Variants in WWP1 observed in about 807,000 individuals in gnomAD.
WWP1 encodes WW domain containing E3 ubiquitin protein ligase 1.
WWP1 carries 49 observed loss-of-function variants against 130.6 expected under a neutral mutation model. The ratio of observed to expected loss-of-function variants is 0.38; its 90% CI spans 0.30 to 0.48. WWP1 has a LOEUF of 0.48. Ranked by LOEUF, WWP1 falls within the 20% of genes least tolerant of loss-of-function variation. WWP1 has a pLI of 0.99. For missense variants in WWP1, 809 were observed against 1,100.6 expected, an observed-to-expected ratio of 0.74 and a Z score of 3.75; for synonymous variants, 332 against 367.8, an observed-to-expected ratio of 0.90 and a Z score of 1.11.
chr8:86,348,110 G>A (rs1358168601), intron 1 of WWP1, among the ~76,000 whole-genome samples: 1 of 152,214 alleles, frequency 6.6e-6, no homozygotes, highest in African/African-American at 2.4e-5. Flanking sequence ...TTTAGGGAAT[G>A]TATAATGTAA....
At chr8:86,461,107 C>T (rs1811747137) in intron 22 of WWP1, 117 bp from the exon 23 acceptor site, 1 of 969,926 alleles carries the variant, frequency 1.0e-6, no homozygotes, top group South Asian at 1.6e-5. Flanking sequence ...CCACGCCCAA[C>T]CTTTAGCACA....
chr8:86,440,785 T>A (rs1021376558), intron 17 of WWP1: 5 of 403,954 alleles, frequency 1.2e-5, no homozygotes, highest in African/African-American at 4.2e-5. Flanking sequence ...TTTTCTCTGA[T>A]CATTTTTATC....
intron 17 of WWP1, among the ~76,000 whole-genome samples, chr8:86,439,367 G>A (rs1301055687): frequency 6.7e-6 from 1 of 148,858 alleles, no homozygotes; most frequent in African/African-American, 2.5e-5. Context: ...AGTTTTTAAA[G>A]CTTTTTGTAG....
At chr8:86,421,780 G>A (rs1041146712) in intron 9 of WWP1, among the ~76,000 whole-genome samples, 2 of 151,584 alleles carry the variant, frequency 1.3e-5, no homozygotes, top group African/African-American at 4.9e-5. Context: ...CCAAGATTGC[G>A]CCACTGCATT....
intron 1 of WWP1, among the ~76,000 whole-genome samples, chr8:86,368,406 T>C (rs1824095929): frequency 6.6e-6 from 1 of 152,178 alleles, no homozygotes; most frequent in African/African-American, 2.4e-5. Context: ...TTTCAGATTC[T>C]TGTTTTTTTG....
At chr8:86,411,418 G>A in intron 8 of WWP1, 120 bp from the exon 9 acceptor site, 1 of 744,476 alleles carries the variant, frequency 1.3e-6, no homozygotes, top group Non-Finnish European at 2.1e-6. Context: ...TCTGCTGTTT[G>A]GAGAATGGAT....
chr8:86,422,182 A>C (rs908809247), intron 9 of WWP1, among the ~76,000 whole-genome samples: 4 of 152,040 alleles, frequency 2.6e-5, no homozygotes, highest in African/African-American at 9.7e-5. Context: ...CATTGTCAGC[A>C]CCCCAGGAAT....
chr8:86,365,714 G>A (rs1823929437), intron 1 of WWP1, among the ~76,000 whole-genome samples: 1 of 152,190 alleles, frequency 6.6e-6, no homozygotes, highest in African/African-American at 2.4e-5. Flanking sequence ...TGTAATCCCA[G>A]CACTTTGGGA....
intron 3 of WWP1, among the ~76,000 whole-genome samples, chr8:86,374,569 T>C (rs1469891911): frequency 6.6e-6 from 1 of 152,208 alleles, no homozygotes; most frequent in Non-Finnish European, 1.5e-5. Context: ...GAAATGTTTC[T>C]TGTAGAAAGC....
intron 21 of WWP1, 45 bp downstream of exon 21, chr8:86,452,724 G>T (rs1160702834): frequency 7.5e-6 from 12 of 1,601,564 alleles, no homozygotes; most frequent in Non-Finnish European, 1.0e-5. Flanking sequence ...TTAGTGGGGG[G>T]AGGGACTAAT....
intron 2 of WWP1, among the ~76,000 whole-genome samples, chr8:86,373,650 T>G (rs952247406): frequency 1.3e-5 from 2 of 152,138 alleles, no homozygotes; most frequent in Non-Finnish European, 2.9e-5. Flanking sequence ...GTACTCCCAA[T>G]GGCTTAAATT....
intron 5 of WWP1, among the ~76,000 whole-genome samples, chr8:86,392,521 C>G (rs1351341798): frequency 6.6e-6 from 1 of 151,968 alleles, no homozygotes; most frequent in Admixed American, 6.6e-5. Context: ...TTTTGAAATC[C>G]ATTAAGTTCA....
chr8:86,394,738 A>G (rs562470990), intron 5 of WWP1, among the ~76,000 whole-genome samples: 26 of 152,254 alleles, frequency 1.7e-4, no homozygotes, highest in African/African-American at 5.3e-4. Context: ...ATACAAACAC[A>G]TGTAGATGGG....
chr8:86,390,472 C>G (rs988471775), intron 5 of WWP1, among the ~76,000 whole-genome samples: 1 of 152,200 alleles, frequency 6.6e-6, no homozygotes, highest in African/African-American at 2.4e-5. Context: ...GCTGGCAGAT[C>G]ACTCGCGGTC....
At chr8:86,402,281 C>G (rs1808033646) in intron 8 of WWP1, 78 bp downstream of exon 8, 1 of 1,469,580 alleles carries the variant, frequency 6.8e-7, no homozygotes, top group African/African-American at 1.4e-5. Flanking sequence ...CCTACACTTC[C>G]CTTTTTGTGT....
At chr8:86,357,231 T>C (rs1823315777) in intron 1 of WWP1, among the ~76,000 whole-genome samples, 1 of 152,216 alleles carries the variant, frequency 6.6e-6, no homozygotes, top group Non-Finnish European at 1.5e-5. Context: ...GAGGTTTAGA[T>C]GCCCCATCTC....
chr8:86,393,176 G>T (rs1807452343), intron 5 of WWP1, among the ~76,000 whole-genome samples: 1 of 149,898 alleles, frequency 6.7e-6, no homozygotes, highest in Non-Finnish European at 1.5e-5. Flanking sequence ...TTTTCTCTCA[G>T]TTAATCATTA....
chr8:86,393,142 A>T (rs1807450099), intron 5 of WWP1, among the ~76,000 whole-genome samples: 1 of 151,852 alleles, frequency 6.6e-6, no homozygotes, highest in South Asian at 2.1e-4. Context: ...TTTTTTTCTC[A>T]CTAATTCCTA....
At chr8:86,359,991 GT>G (rs1322230694) in intron 1 of WWP1, among the ~76,000 whole-genome samples, 1 of 151,938 alleles carries the variant, frequency 6.6e-6, no homozygotes, top group Non-Finnish European at 1.5e-5. Context: ...GGAGCTTGCA[GT>G]GAGCTGAGAT....
Sources: allele counts gnomAD v4.1 joint callset (sites outside exome capture counted in the v4.1 genomes callset), GRCh38; gene constraint gnomAD v4.1.1; transcripts MANE v1.5; gene names NCBI Gene and HGNC (gene_info 2026-07-23, HGNC 2026-07-21).